OGFOD1: variants seen among roughly 807,000 people sequenced by gnomAD.
OGFOD1 encodes the protein 2-oxoglutarate and iron dependent oxygenase domain containing 1.
OGFOD1 carries 54 observed loss-of-function variants against 67.7 expected under a neutral mutation model. That is an observed-to-expected ratio of 0.80 (90% CI 0.64 to 1.00). OGFOD1 has a LOEUF of 1.00. OGFOD1 is among the 50% of genes least tolerant of loss of function. The probability of loss-of-function intolerance (pLI) is 0.00; values close to 1 mark genes in which losing one functional copy is unlikely to be tolerated. For synonymous variants in OGFOD1, 221 were observed against 227.0 expected (o/e 0.97, Z 0.24); for missense variants, 606 against 646.7 (o/e 0.94, Z 0.68).
chr16:56,464,336 C>T (rs1962823675), intron 4 of OGFOD1, among the ~76,000 whole-genome samples: 1 of 152,070 alleles, frequency 6.6e-6, no homozygotes, highest in Non-Finnish European at 1.5e-5. Context: ...CAGGTTTTTC[C>T]ACTGTTCTTT....
At chr16:56,454,707 C>A in intron 2 of OGFOD1, 1 of 359,108 alleles carries the variant, frequency 2.8e-6, no homozygotes, top group Non-Finnish European at 5.4e-6. Context: ...TTTGCATTTT[C>A]CCATTTTATT....
chr16:56,472,891 G>A (rs1963263571), intron 10 of OGFOD1, among the ~76,000 whole-genome samples: 1 of 152,020 alleles, frequency 6.6e-6, no homozygotes. Context: ...CCTCACTTAG[G>A]AAACCTTCCA....
intron 10 of OGFOD1, among the ~76,000 whole-genome samples, chr16:56,471,946 T>C (rs1321329693): frequency 6.7e-6 from 1 of 148,558 alleles, no homozygotes; most frequent in Admixed American, 6.7e-5. Flanking sequence ...AAAAAACTTA[T>C]CCACTTCTGT....
chr16:56,462,432 AATGTG>A, intron 3 of OGFOD1, 97 bp from the exon 4 acceptor site: 1 of 694,404 alleles, frequency 1.4e-6, no homozygotes, highest in Non-Finnish European at 2.6e-6. Context: ...TCTTGAATAC[AATGTG>A]ATCTCCAGGA....
At position 56,467,971 on chromosome 16, in the gene OGFOD1, G is replaced by T; in HGVS notation, c.853G>T (p.Glu285Ter). The T allele has an allele frequency of 6.2e-7, 1 of 1,604,748 alleles. No individual in the cohort carries two copies. The highest frequency in any genetic ancestry group is 8.5e-7 in the Non-Finnish European group (1 of 1,171,514). Residue 285 changes from glutamate (E) to a stop codon, truncating the protein, a stop_gained, in exon 8 of 13, where the codon GAA becomes TAA. Transcript: ENST00000566157. LOFTEE classifies it high-confidence loss of function. The part of the protein sequence containing the change: ...LDMDYQVQIQ[E>*]EFEESSEILL... ...CATGGATTACCAAGTTCAAATTCAA[G>T]AAGAGTTTGAAGAAAGTTCTGAAAT...
At chr16:56,457,571 T>C (rs764382925) in intron 2 of OGFOD1, among the ~76,000 whole-genome samples, 6 of 150,966 alleles carry the variant, frequency 4.0e-5, no homozygotes, top group Non-Finnish European at 4.4e-5. Flanking sequence ...GATATTATCT[T>C]AAAAAATGTT....
chr16:56,456,943 C>A (rs1472935071), intron 2 of OGFOD1, among the ~76,000 whole-genome samples: 2 of 152,232 alleles, frequency 1.3e-5, no homozygotes, highest in Non-Finnish European at 2.9e-5. Flanking sequence ...CTTACTACTT[C>A]CACTGCCAAA....
In OGFOD1 at chr16:56,466,233, G is replaced by T. The variant is rs1391478514; in HGVS notation, c.530G>T (p.Ser177Ile). Residue 177 changes from serine to isoleucine, a missense_variant, in exon 5 of 13, where the codon AGC becomes ATC. Coordinates refer to ENST00000566157, the MANE Select transcript of OGFOD1 (RefSeq NM_018233.4). The stretch of plus-strand genomic sequence containing the variant: ...TACCTGGTTCCTCCCTGGGACAGGA[G>T]CATGGGTGGTACCCTGGACCTGTAC... ...ILYLVPPWDR[S>I]MGGTLDLYSI... 6.2e-7 allele frequency: 1 copy of T among 1,613,830 alleles called. No individual in the cohort carries two copies.
At chr16:56,453,514 C>A in intron 2 of OGFOD1, 106 bp downstream of exon 2, 2 of 1,098,494 alleles carry the variant, frequency 1.8e-6, no homozygotes, top group Non-Finnish European at 2.6e-6. Context: ...TTGCCTTGAA[C>A]AGTCCTTGCA....
intron 4 of OGFOD1, among the ~76,000 whole-genome samples, chr16:56,464,623 T>C (rs761736380): frequency 6.6e-6 from 1 of 152,216 alleles, no homozygotes; most frequent in Non-Finnish European, 1.5e-5. Flanking sequence ...TGTTACCAGT[T>C]ACTATCATTA....
intron 5 of OGFOD1, among the ~76,000 whole-genome samples, chr16:56,466,519 T>C (rs1432902918): frequency 1.3e-5 from 2 of 152,200 alleles, no homozygotes; most frequent in African/African-American, 4.8e-5. Flanking sequence ...ACCAAGCTTC[T>C]GAATACTGAC....
chr16:56,465,833 T>TAA (rs1962873539), intron 4 of OGFOD1: 1 of 228,330 alleles, frequency 4.4e-6, no homozygotes, highest in Admixed American at 5.2e-5. Flanking sequence ...AGGCCACAAA[T>TAA]AGACACTGTC....
intron 2 of OGFOD1, 109 bp from the exon 3 acceptor site, chr16:56,458,439 C>A: frequency 1.0e-6 from 1 of 971,826 alleles, no homozygotes; most frequent in South Asian, 1.3e-5. Flanking sequence ...GCTTCAGAGT[C>A]TGGGCTCTTA....
rs1300467703 is a variant in OGFOD1, at chr16:56,478,837, C to T, written c.*2632C>T. 2.0e-5 allele frequency: 3 copies of T among 152,208 alleles called. No homozygotes were observed. Among genetic ancestry groups the T allele is most frequent in the African/African-American group, 7.2e-5 (3 of 41,458 alleles). The allele number at this position is 152,208 out of a possible 1,614,324, so 9.4% of individuals were successfully genotyped here. A position where few individuals can be genotyped will look rare whatever the true frequency, so the allele number is the denominator to read the frequency against. On this transcript the variant is annotated 3_prime_UTR_variant, in exon 13 of 13. Coordinates refer to ENST00000566157, the MANE Select transcript of OGFOD1 (RefSeq NM_018233.4). ...GGAGAGAATCCCTAGGAGCCCAACTCTGATGTTGCTGTCAGTTACATCATC... is the reference window on the plus strand; with the variant it reads ...GGAGAGAATCCCTAGGAGCCCAACTTTGATGTTGCTGTCAGTTACATCATC...
At chr16:56,475,065 C>A in intron 11 of OGFOD1, 115 bp downstream of exon 11, 2 of 1,072,064 alleles carry the variant, frequency 1.9e-6, no homozygotes, top group African/African-American at 1.6e-5. Context: ...CAGAATCTCA[C>A]ATCATGGGAT....
At chr16:56,458,413 A>T in intron 2 of OGFOD1, 135 bp from the exon 3 acceptor site, 1 of 765,758 alleles carries the variant, frequency 1.3e-6, no homozygotes, top group Non-Finnish European at 2.3e-6. Flanking sequence ...GCCCTGTGTT[A>T]AACCTAAGCA....
At chr16:56,462,720 A>G (rs374711398) in intron 4 of OGFOD1, 86 bp downstream of exon 4, 62 of 789,188 alleles carry the variant, frequency 7.9e-5, no homozygotes, top group Non-Finnish European at 1.2e-4. Context: ...GTACCAAAAC[A>G]CTCAACTGAA....
intron 2 of OGFOD1, among the ~76,000 whole-genome samples, chr16:56,457,688 GT>G (rs1208682430): frequency 1.2e-4 from 18 of 147,238 alleles, no homozygotes; most frequent in South Asian, 8.7e-4. Context: ...CACCTATTAG[GT>G]TTTTTTTTTA....
chr16:56,471,257 G>A (rs1486445072), intron 10 of OGFOD1, among the ~76,000 whole-genome samples: 1 of 151,804 alleles, frequency 6.6e-6, no homozygotes, highest in Non-Finnish European at 1.5e-5. Flanking sequence ...AGCTACTCAG[G>A]AGGCTGAGGT....
Sources: gnomAD v4.1 joint callset for allele counts (sites outside exome capture counted in the v4.1 genomes callset) on GRCh38, gnomAD v4.1.1 for gene constraint, MANE v1.5 for transcripts, NCBI Gene and HGNC (gene_info 2026-07-23, HGNC 2026-07-21) for gene names.